Variants in SIGLEC11 observed in about 807,000 individuals in gnomAD.
SIGLEC11 encodes sialic acid-binding Ig-like lectin 11.
SIGLEC11 carries 47 observed loss-of-function variants against 61.2 expected under a neutral mutation model. The observed-to-expected ratio is 0.77, with a 90% CI of 0.61 to 0.98. SIGLEC11 has a LOEUF of 0.98. Ranked by LOEUF, SIGLEC11 falls within the 50% of genes least tolerant of loss-of-function variation. The pLI is 0.00. For missense variants in SIGLEC11, 610 were observed against 870.3 expected, an observed-to-expected ratio of 0.70 and a Z score of 3.76; for synonymous variants, 278 against 373.1, an observed-to-expected ratio of 0.75 and a Z score of 2.94.
In SIGLEC11 at chr19:49,958,238, C is replaced by T. The variant is rs575806801; in HGVS notation, c.1651+45G>A. On this transcript the variant is annotated intron_variant, in intron 8 of 10. Coordinates refer to ENST00000447370, the MANE Select transcript of SIGLEC11 (RefSeq NM_052884.3). Reference sequence around the variant, plus strand: ...CTTGAACCTTCATCTTTCTAGGATCCTGTCTCCTTTCTCCCTGAACCTCAG... The same window carrying T: ...CTTGAACCTTCATCTTTCTAGGATCTTGTCTCCTTTCTCCCTGAACCTCAG... 7.5e-6 allele frequency: 12 copies of T among 1,602,218 alleles called. No individual in the cohort carries two copies. In the East Asian group the frequency reaches 2.7e-4, roughly 36 times the overall value.
In SIGLEC11 at chr19:49,949,081, C is replaced by T. The variant is rs2076141079; in HGVS notation, c.*889G>A. 1 of 151,998 alleles carries T rather than the reference C, an allele frequency of 6.6e-6. No homozygotes were observed. The highest frequency in any genetic ancestry group is 2.4e-5 in the African/African-American group (1 of 41,338). The allele number at this position is 151,998 out of a possible 1,614,324, so 9.4% of individuals were successfully genotyped here. A position where few individuals can be genotyped will look rare whatever the true frequency, so the allele number is the denominator to read the frequency against. The stretch of plus-strand genomic sequence containing the variant: ...TCTCGGCTCACTGCAACCTCCACCT[C>T]CCGGGTTCAACCAATTCTCTGCCTA... On this transcript the variant is annotated 3_prime_UTR_variant, in exon 11 of 11. Coordinates refer to ENST00000447370, the MANE Select transcript of SIGLEC11 (RefSeq NM_052884.3).
rs150218828 is a variant in SIGLEC11, at chr19:49,958,340, A to G, written c.1594T>C (p.Cys532Arg). Residue 532 changes from cysteine (C) to arginine (R), a missense_variant, in exon 8 of 11, where the codon TGT (cysteine) becomes CGT (arginine). By Grantham distance (180) the Cys-to-Arg change is radical. Around this residue, in one of 6 missense-constraint regions of SIGLEC11, gnomAD observed 432 missense variants for 441.5 expected, o/e 0.98. Transcript: ENST00000447370. Reference protein sequence around the residue: ...GGLSSGLRLRCKAWNVHGAQS... With the variant: ...GGLSSGLRLRRKAWNVHGAQS... The stretch of plus-strand genomic sequence containing the variant: ...GCCCCGTGGACGTTCCAGGCCTTAC[A>G]GCGGAGCCTGAGGCCGGAGCTGAGC... The G allele has an allele frequency of 1.9e-6, 3 of 1,614,090 alleles. No homozygotes were observed. The African/African-American group carries it at 4.0e-5, about 22-fold the overall frequency.
chr19:49,952,457 C>T (rs775959260), intron 8 of SIGLEC11, 63 bp from the exon 9 acceptor site: 175 of 1,241,512 alleles, frequency 1.4e-4, no homozygotes, highest in Non-Finnish European at 1.8e-4. Flanking sequence ...GCCCCTTCCT[C>T]CCACAGACCT....
At position 49,958,891 on chromosome 19, in the gene SIGLEC11, T is replaced by C; in HGVS notation, c.1115A>G (p.Asn372Ser). The change falls in exon 7 of 11, where the codon AAC (asparagine) becomes AGC (serine). Residue 372 changes from asparagine to serine, a missense_variant. Asn to Ser is a conservative substitution (Grantham distance 46). Coordinates refer to ENST00000447370, the MANE Select transcript of SIGLEC11 (RefSeq NM_052884.3). ...CGGGAGGGATGTGCCGTTCCCGAGGTTTTCCAGGACTAGGGAAGGAAGAGG... is the reference window on the plus strand; with the variant it reads ...CGGGAGGGATGTGCCGTTCCCGAGGCTTTCCAGGACTAGGGAAGGAAGAGG... ...VSQANRTVLE[N>S]LGNGTSLPVL... The C allele has an allele frequency of 3.1e-6, 5 of 1,600,256 alleles. No homozygotes were observed. Among genetic ancestry groups the C allele is most frequent in the East Asian group, 4.5e-5 (2 of 44,650 alleles).
chr19:49,960,473 C>G, intron 2 of SIGLEC11, 52 bp from the exon 3 acceptor site: 1 of 1,590,838 alleles, frequency 6.3e-7, no homozygotes, highest in Non-Finnish European at 8.5e-7. Context: ...TCCCTGAGAG[C>G]CCTCTCTGCT....
At position 49,958,339 on chromosome 19, in the gene SIGLEC11, C is replaced by T. The variant is rs541011370; in HGVS notation, c.1595G>A (p.Cys532Tyr). Reference sequence around the variant, plus strand: ...GGCCCCGTGGACGTTCCAGGCCTTACAGCGGAGCCTGAGGCCGGAGCTGAG... The same window carrying T: ...GGCCCCGTGGACGTTCCAGGCCTTATAGCGGAGCCTGAGGCCGGAGCTGAG... Reference protein sequence around the residue: ...GGLSSGLRLRCKAWNVHGAQS... With the variant: ...GGLSSGLRLRYKAWNVHGAQS... Residue 532 changes from cysteine to tyrosine, a missense_variant, in exon 8 of 11, where the codon TGT becomes TAT. Transcript: ENST00000447370. The T allele has an allele frequency of 1.2e-6, 2 of 1,614,224 alleles. No homozygotes were observed. Among genetic ancestry groups the T allele is most frequent in the African/African-American group, 2.7e-5 (2 of 75,068 alleles).
At position 49,955,934 on chromosome 19, in the gene SIGLEC11, C is replaced by CAA. The variant is rs55957420; in HGVS notation, c.1651+2347_1651+2348dup. 6.1e-4 allele frequency among the ~76,000 whole-genome samples: 56 copies of CAA among 91,596 alleles called. No homozygotes were observed. Among genetic ancestry groups the CAA allele is most frequent in the Admixed American group, 3.4e-3 (29 of 8,624 alleles). 60.1% of individuals were successfully genotyped at this position (91,596 alleles called of 152,430 possible). A position where few individuals can be genotyped will look rare whatever the true frequency, so the allele number is the denominator to read the frequency against. ...AGGGCAACAGAGCGAGACTCCGTCT[C>CAA]AAAAAAAAAAAAAAAAAGAACTTGT... is the stretch of plus-strand genomic sequence containing the variant. On this transcript the variant is annotated intron_variant, in intron 8 of 10. Coordinates refer to ENST00000447370, the MANE Select transcript of SIGLEC11 (RefSeq NM_052884.3). This position sits in a 1 kb window ranked among gnomAD's most constrained non-coding sequence, Gnocchi z 4.5.
In SIGLEC11 at chr19:49,958,686, G is replaced by A; in HGVS notation, c.1320C>T (p.His440=). The change falls in exon 7 of 11, where the codon CAC becomes CAT. Residue 440 remains histidine (H), a synonymous_variant. Coordinates refer to ENST00000447370, the MANE Select transcript of SIGLEC11 (RefSeq NM_052884.3). ...GAGAGACGTGCTGGGAGCCCAGAGG[G>A]TGCTGAGCGTGGCAGGTGAACTCTC... ...HEGEFTCHAQ[H]PLGSQHVSLS... 6.2e-7 allele frequency: 1 copy of A among 1,610,252 alleles called. No individual in the cohort carries two copies. The highest frequency in any genetic ancestry group is 8.5e-7 in the Non-Finnish European group (1 of 1,177,896).
chr19:49,950,663 G>A (rs537671518), intron 10 of SIGLEC11, among the ~76,000 whole-genome samples: 40 of 152,278 alleles, frequency 2.6e-4, no homozygotes, highest in Non-Finnish European at 5.0e-4. Context: ...CCCTGTGCCA[G>A]CCCCTGGATA....
At position 49,955,969 on chromosome 19, in the gene SIGLEC11, C is replaced by T. The variant is rs7249833; in HGVS notation, c.1651+2314G>A. 0.14 allele frequency among the ~76,000 whole-genome samples: 21,230 copies of T among 151,542 alleles called. 2,434 individuals carry two copies. Among genetic ancestry groups the T allele is most frequent in the African/African-American group, 0.32 (13,197 of 41,052 alleles). On this transcript the variant is annotated intron_variant, in intron 8 of 10. Transcript: ENST00000447370. The surrounding 1 kb of genome is among the most constrained non-coding windows in gnomAD (Gnocchi z 4.5). ...AAAAAAAAGAACTTGTACTTATGGC[C>T]GGGCGCAGTGGCTCACACCTGTAAT...
At chr19:49,950,817 G>C (rs113231315) in intron 10 of SIGLEC11, among the ~76,000 whole-genome samples, 5 of 152,308 alleles carry the variant, frequency 3.3e-5, no homozygotes, top group African/African-American at 1.2e-4. Flanking sequence ...GAGGAGGTGT[G>C]AGAAAGACAG....
chr19:49,957,970 G>A (rs1432073354), intron 8 of SIGLEC11, among the ~76,000 whole-genome samples: 2 of 151,756 alleles, frequency 1.3e-5, no homozygotes, highest in Non-Finnish European at 2.9e-5. Flanking sequence ...CAGCCTTGCT[G>A]ACAGAGCGAG....
At chr19:49,950,964 C>T (rs569755563) in intron 10 of SIGLEC11, among the ~76,000 whole-genome samples, 11 of 152,290 alleles carry the variant, frequency 7.2e-5, no homozygotes, top group South Asian at 6.2e-4. Flanking sequence ...AAGCTTCAAC[C>T]GTTTGTGCCC....
Position 49,960,232 on chromosome 19 carries a change from G to A in SIGLEC11, c.650C>T (p.Pro217Leu). 6.4e-7 allele frequency: 1 copy of A among 1,555,806 alleles called. No homozygotes were observed. The highest frequency in any genetic ancestry group is 8.8e-7 in the Non-Finnish European group (1 of 1,139,164). ...TSHFSVLSFTPSPQDHDTDLT... is the reference protein window; with the variant it reads ...TSHFSVLSFTLSPQDHDTDLT... ...GTCGGTGTCGTGGTCCTGGGGGCTG[G>A]GCGTGAAGCTGAGCACTGAGAAGTG... The change falls in exon 3 of 11, where the codon CCC (proline) becomes CTC (leucine). Residue 217 changes from proline to leucine, a missense_variant. Around this residue, in one of 6 missense-constraint regions of SIGLEC11, gnomAD observed 12 missense variants for 101.0 expected, o/e 0.12. Coordinates refer to ENST00000447370, the MANE Select transcript of SIGLEC11 (RefSeq NM_052884.3).
chr19:49,951,739 A>C lies in SIGLEC11; in HGVS notation c.1830+152T>G. On this transcript the variant is annotated intron_variant, in intron 10 of 10. Transcript: ENST00000447370. This position sits in a 1 kb window ranked among gnomAD's most constrained non-coding sequence, Gnocchi z 4.6. ...GGGAGCAGTGGGGAGGGTGCCTCCC[A>C]GATCATGGGACTTGGGACTGCATTG... 1 of 607,080 alleles carries C rather than the reference A, an allele frequency of 1.6e-6. No homozygotes were observed. The allele number at this position is 607,080 out of a possible 1,614,324, so 37.6% of individuals were successfully genotyped here.
intron 8 of SIGLEC11, among the ~76,000 whole-genome samples, chr19:49,956,950 C>G (rs1457107963): frequency 1.3e-5 from 2 of 152,022 alleles, no homozygotes; most frequent in Non-Finnish European, 2.9e-5. Context: ...AATGAAAAGG[C>G]AATTATAAAA....
At chr19:49,957,739 C>T (rs202116454) in intron 8 of SIGLEC11, among the ~76,000 whole-genome samples, 2 of 152,204 alleles carry the variant, frequency 1.3e-5, no homozygotes, top group East Asian at 1.9e-4. Context: ...CGGTGGCACA[C>T]GCCTGTAATC....
At position 49,950,194 on chromosome 19, in the gene SIGLEC11, G is replaced by A; in HGVS notation, c.1873C>T (p.Pro625Ser). The change falls in exon 11 of 11, where the codon CCG becomes TCG. Residue 625 changes from proline to serine, a missense_variant. By Grantham distance (74) the Pro-to-Ser change is moderately conservative. Coordinates refer to ENST00000447370, the MANE Select transcript of SIGLEC11 (RefSeq NM_052884.3). Reference sequence around the variant, plus strand: ...GTGTAGGTGGCTGCACCTGGGGGCGGGTGGTCTTGGGAGCTGCCTGCCGAG... The same window carrying A: ...GTGTAGGTGGCTGCACCTGGGGGCGAGTGGTCTTGGGAGCTGCCTGCCGAG... ...ECSAGSSQDH[P>S]PPGAATYTPG... 1 of 1,602,300 alleles carries A rather than the reference G, an allele frequency of 6.2e-7. No homozygotes were observed. The highest frequency in any genetic ancestry group is 8.5e-7 in the Non-Finnish European group (1 of 1,176,530).
rs779491398 is a variant in SIGLEC11, at chr19:49,958,525, C to A, written c.1409G>T (p.Gly470Val). Reference sequence around the variant, plus strand: ...CTGGGAGGAGCAGCTGCAGTGCAGACCCTCAGCCTCCCAGGAGCAGGAGGG... The same window carrying A: ...CTGGGAGGAGCAGCTGCAGTGCAGAACCTCAGCCTCCCAGGAGCAGGAGGG... ...LGPSCSWEAE[G>V]LHCSCSSQAS... The change falls in exon 8 of 11, where the codon GGT (glycine) becomes GTT (valine). Residue 470 changes from glycine (G) to valine (V), a missense_variant. Transcript: ENST00000447370. 1.1e-5 allele frequency: 17 copies of A among 1,594,924 alleles called. No individual in the cohort carries two copies. The African/African-American group carries it at 1.3e-4, about 13-fold the overall frequency.
Sources: gnomAD v4.1 joint callset for allele counts (sites outside exome capture counted in the v4.1 genomes callset) on GRCh38, gnomAD v4.1.1 for gene constraint, gnomAD v4.1.1 regional missense constraint, Gnocchi (gnomAD v3.1) non-coding constraint, MANE v1.5 for transcripts, NCBI Gene and HGNC (gene_info 2026-07-23, HGNC 2026-07-21) for gene names.